Variants in PLCB1 observed in about 807,000 individuals in gnomAD.
The protein encoded by PLCB1 is 1-phosphatidylinositol 4,5-bisphosphate phosphodiesterase beta-1.
In PLCB1, 46 loss-of-function variants were observed where a neutral mutation model predicts 161.8. That is an observed-to-expected ratio of 0.28 (90% CI 0.22 to 0.36). The LOEUF (loss-of-function observed/expected upper bound fraction) is 0.36. Among genes scored for constraint, PLCB1 ranks in the 10% least tolerant of loss-of-function variants. The pLI is 1.00. For missense variants in PLCB1, 1,016 were observed against 1,472.5 expected (o/e 0.69, Z 5.07); for synonymous variants, 517 against 503.7 (o/e 1.03, Z -0.35).
chr20:8,619,344 G>A (rs1464033874), intron 3 of PLCB1, among the ~76,000 whole-genome samples: 4 of 151,902 alleles, frequency 2.6e-5, no homozygotes, highest in African/African-American at 7.3e-5. Context: ...GCTTGAATCC[G>A]GGAGGCGGAG....
intron 3 of PLCB1, among the ~76,000 whole-genome samples, chr20:8,582,713 C>T (rs56230452): frequency 0.11 from 16,082 of 152,156 alleles, 988 homozygotes; most frequent in South Asian, 0.15. Context: ...ATTGGCTGGG[C>T]GAGGTGGCTC....
chr20:8,340,542 C>T (rs1985764566), intron 2 of PLCB1, among the ~76,000 whole-genome samples: 1 of 152,046 alleles, frequency 6.6e-6, no homozygotes, highest in Non-Finnish European at 1.5e-5. Flanking sequence ...CCTGCCTCAG[C>T]CTCCCGCGTA....
intron 31 of PLCB1, among the ~76,000 whole-genome samples, chr20:8,836,648 G>A (rs1481467866): frequency 7.5e-6 from 1 of 133,508 alleles, no homozygotes; most frequent in Non-Finnish European, 1.7e-5. Flanking sequence ...TCTGTCAATA[G>A]AGATATATAA....
At chr20:8,721,491 T>C (rs1305728033) in intron 14 of PLCB1, among the ~76,000 whole-genome samples, 1 of 152,236 alleles carries the variant, frequency 6.6e-6, no homozygotes, top group Non-Finnish European at 1.5e-5. Flanking sequence ...CATACTGATA[T>C]GAATATTTAA....
intron 1 of PLCB1, among the ~76,000 whole-genome samples, chr20:8,145,385 C>T (rs1013610640): frequency 6.6e-6 from 1 of 152,158 alleles, no homozygotes; most frequent in African/African-American, 2.4e-5. Flanking sequence ...AATAAGATCA[C>T]ACTTTGAGGT....
At chr20:8,290,212 C>T (rs1983320956) in intron 2 of PLCB1, among the ~76,000 whole-genome samples, 1 of 152,086 alleles carries the variant, frequency 6.6e-6, no homozygotes, top group African/African-American at 2.4e-5. Flanking sequence ...AAAATTGACT[C>T]CAGAACTCAA....
At chr20:8,250,953 C>T (rs886329530) in intron 2 of PLCB1, among the ~76,000 whole-genome samples, 5 of 151,974 alleles carry the variant, frequency 3.3e-5, no homozygotes, top group African/African-American at 1.2e-4. Context: ...TTGTCTTGGT[C>T]TGTTCAGACT....
chr20:8,133,453 G>A (rs113917488), intron 1 of PLCB1, among the ~76,000 whole-genome samples: 98 of 152,212 alleles, frequency 6.4e-4, no homozygotes, highest in Middle Eastern at 3.4e-3. Flanking sequence ...GCTGATTGGA[G>A]TCTTCTGCCT....
At chr20:8,428,802 G>A (rs115825445) in intron 3 of PLCB1, among the ~76,000 whole-genome samples, 226 of 152,318 alleles carry the variant, frequency 1.5e-3, no homozygotes, top group African/African-American at 4.6e-3. Flanking sequence ...GATGGAGAAC[G>A]TAGTGTCAGA....
rs188966019 is a variant in PLCB1 at position 8,318,124 on chromosome 20, T to C, written c.178-53258T>C. Among the ~76,000 whole-genome samples, 6 of 152,288 alleles carry C rather than the reference T, an allele frequency of 3.9e-5. No homozygotes were observed. In the East Asian group the frequency reaches 9.7e-4, roughly 25 times the overall value. Reference sequence around the variant, plus strand: ...TATTATTTCTCTTAAGCCTTATCTCTGTGATGCATCCTAGTATTCATAACT... The same window carrying C: ...TATTATTTCTCTTAAGCCTTATCTCCGTGATGCATCCTAGTATTCATAACT... On this transcript the variant is annotated intron_variant, in intron 2 of 31. Transcript: ENST00000338037.
intron 2 of PLCB1, among the ~76,000 whole-genome samples, chr20:8,294,109 GCTT>G (rs1174109987): frequency 2.6e-5 from 4 of 152,092 alleles, no homozygotes; most frequent in Admixed American, 6.5e-5. Flanking sequence ...GAAATTGTAA[GCTT>G]CTTTAGAGGA....
At chr20:8,793,471 CAG>C (rs969167089) in intron 31 of PLCB1, among the ~76,000 whole-genome samples, 1 of 151,990 alleles carries the variant, frequency 6.6e-6, no homozygotes, top group African/African-American at 2.4e-5. Flanking sequence ...AATAAAGGGA[CAG>C]AGTAAAAAAG....
intron 9 of PLCB1, among the ~76,000 whole-genome samples, chr20:8,673,500 G>T (rs1989999765): frequency 6.6e-6 from 1 of 152,200 alleles, no homozygotes; most frequent in Non-Finnish European, 1.5e-5. Context: ...TTAGGACTCA[G>T]CCCCCCAAAT....
intron 3 of PLCB1, among the ~76,000 whole-genome samples, chr20:8,413,366 C>G (rs725320): frequency 0.043 from 6,554 of 152,198 alleles, 436 homozygotes; most frequent in African/African-American, 0.15. Flanking sequence ...GCTCTTCCAG[C>G]TTTATTTAAA....
intron 2 of PLCB1, among the ~76,000 whole-genome samples, chr20:8,277,357 T>C (rs971013944): frequency 6.6e-6 from 1 of 152,074 alleles, no homozygotes; most frequent in Non-Finnish European, 1.5e-5. Context: ...ATAGTTATTG[T>C]ACTTGATGAT....
chr20:8,780,551 G>A (rs1323056579), intron 27 of PLCB1, among the ~76,000 whole-genome samples: 4 of 152,004 alleles, frequency 2.6e-5, no homozygotes, highest in Non-Finnish European at 4.4e-5. Context: ...CAAACTGAAT[G>A]GCTCGCGTTC....
rs894790436 is a variant in PLCB1, at chr20:8,132,587, C to T, written c.-65C>T. 6.5e-6 allele frequency: 7 copies of T among 1,075,294 alleles called. No individual in the cohort carries two copies. The Admixed American group carries it at 1.6e-4, about 24-fold the overall frequency. The allele number at this position is 1,075,294 out of a possible 1,614,324, so 66.6% of individuals were successfully genotyped here. On this transcript the variant is annotated 5_prime_UTR_variant, in exon 1 of 32. Transcript: ENST00000338037. The surrounding 1 kb of genome is among the most constrained non-coding windows in gnomAD (Gnocchi z 5.2). Reference sequence around the variant, plus strand: ...AGGAGCCCGCGCCCCGCGCCCCGCGCCCCGCGCACGGTCCCCAGTCCCTGC... The same window carrying T: ...AGGAGCCCGCGCCCCGCGCCCCGCGTCCCGCGCACGGTCCCCAGTCCCTGC...
chr20:8,571,205 G>A (rs1336027686), intron 3 of PLCB1, among the ~76,000 whole-genome samples: 1 of 152,212 alleles, frequency 6.6e-6, no homozygotes, highest in Non-Finnish European at 1.5e-5. Flanking sequence ...GCCAGGCATG[G>A]TGGCTCACGC....
At chr20:8,699,900 C>G (rs941401327) in intron 11 of PLCB1, among the ~76,000 whole-genome samples, 1 of 152,182 alleles carries the variant, frequency 6.6e-6, no homozygotes, top group Non-Finnish European at 1.5e-5. Flanking sequence ...TGATCAAAAT[C>G]TTTAAAAGCT....
Sources: allele counts gnomAD v4.1 joint callset (sites outside exome capture counted in the v4.1 genomes callset), GRCh38; gene constraint gnomAD v4.1.1; non-coding constraint Gnocchi (gnomAD v3.1); transcripts MANE v1.5; gene names NCBI Gene and HGNC (gene_info 2026-07-23, HGNC 2026-07-21).